The following CSMD3 variants were observed in gnomAD, a reference collection of about 807,000 sequenced individuals.
CSMD3 encodes CUB and Sushi multiple domains 3.
In CSMD3, 177 loss-of-function variants were observed where a neutral mutation model predicts 435.2. That is an observed-to-expected ratio of 0.41 (90% CI 0.36 to 0.46). The LOEUF (loss-of-function observed/expected upper bound fraction) is 0.46, where lower values mean the gene tolerates loss of function less well. CSMD3 is among the 20% of genes least tolerant of loss of function. The pLI is 0.34. For missense variants in CSMD3, 4,265 were observed against 4,504.6 expected, an observed-to-expected ratio of 0.95 and a Z score of 1.52; for synonymous variants, 1,656 against 1,520.5, an observed-to-expected ratio of 1.09 and a Z score of -2.07.
At chr8:112,403,041 C>G (rs184453292) in intron 35 of CSMD3, among the ~76,000 whole-genome samples, 128 of 152,256 alleles carry the variant, frequency 8.4e-4, no homozygotes, top group African/African-American at 2.8e-3. Flanking sequence ...AACCCCAGCT[C>G]TCTGGTAGGC....
chr8:113,410,900 TGAAAGAAAGAAAGAAAGAAAGAAAGAAA>T (rs60929996), intron 1 of CSMD3, among the ~76,000 whole-genome samples: 8 of 105,396 alleles, frequency 7.6e-5, no homozygotes, highest in Admixed American at 2.2e-4. Context: ...CAAAACCCTG[TGAAAGAAAGAAAGAAAGAAAGAAAGAAA>T]GAAAGAAAGA....
At chr8:112,616,839 A>G (rs1833696342) in intron 22 of CSMD3, among the ~76,000 whole-genome samples, 1 of 152,172 alleles carries the variant, frequency 6.6e-6, no homozygotes. Context: ...CATTGAGGAA[A>G]TAATTCTGAA....
At chr8:113,035,717 T>TAA (rs1455738971) in intron 5 of CSMD3, among the ~76,000 whole-genome samples, 1 of 151,964 alleles carries the variant, frequency 6.6e-6, no homozygotes, top group East Asian at 1.9e-4. Context: ...AACAAAATGT[T>TAA]ACTGTGCTTA....
chr8:112,565,654 G>T (rs145183596), intron 24 of CSMD3, among the ~76,000 whole-genome samples: 1,711 of 152,180 alleles, frequency 0.011, 42 homozygotes, highest in African/African-American at 0.038. Context: ...GTGCAGAGGA[G>T]ATAATAAGAA....
At chr8:112,291,984 C>G (rs138115735) in intron 55 of CSMD3, among the ~76,000 whole-genome samples, 117 of 152,018 alleles carry the variant, frequency 7.7e-4, no homozygotes, top group African/African-American at 2.8e-3. Context: ...TATAGCTGAA[C>G]TGTAAGAAAA....
intron 11 of CSMD3, among the ~76,000 whole-genome samples, chr8:112,838,937 C>T (rs1215100209): frequency 1.3e-5 from 2 of 151,522 alleles, no homozygotes; most frequent in Non-Finnish European, 3.0e-5. Context: ...ATCAGAATTC[C>T]TTATTTATTC....
intron 57 of CSMD3, among the ~76,000 whole-genome samples, chr8:112,288,322 T>G (rs1819421496): frequency 1.3e-5 from 2 of 151,740 alleles, no homozygotes; most frequent in Admixed American, 6.6e-5. Context: ...TATCTGAGAG[T>G]TAATTTACTA....
chr8:113,257,889 G>GA (rs796311390), intron 3 of CSMD3, among the ~76,000 whole-genome samples: 2 of 151,978 alleles, frequency 1.3e-5, no homozygotes, highest in Non-Finnish European at 2.9e-5. Context: ...AACACACTAA[G>GA]AAAAAAATTT....
At chr8:113,091,925 T>C (rs2090016485) in intron 5 of CSMD3, among the ~76,000 whole-genome samples, 2 of 152,026 alleles carry the variant, frequency 1.3e-5, no homozygotes, top group African/African-American at 4.8e-5. Context: ...CTATAAACTT[T>C]CCTCTTAGTA....
chr8:113,368,621 T>A (rs1685225410), intron 1 of CSMD3, among the ~76,000 whole-genome samples: 1 of 152,106 alleles, frequency 6.6e-6, no homozygotes. Context: ...TCAAAATGTT[T>A]AACCCTTTTA....
At chr8:113,069,776 G>C (rs889602834) in intron 5 of CSMD3, among the ~76,000 whole-genome samples, 23 of 152,120 alleles carry the variant, frequency 1.5e-4, no homozygotes, top group Admixed American at 2.0e-4. Flanking sequence ...AGTACGGGTA[G>C]AAGACATGCC....
At chr8:113,038,054 C>A (rs192704482) in intron 5 of CSMD3, among the ~76,000 whole-genome samples, 333 of 152,104 alleles carry the variant, frequency 2.2e-3, no homozygotes, top group African/African-American at 7.7e-3. Context: ...TGGCTCAAAC[C>A]AAAAGGAAGC....
intron 3 of CSMD3, among the ~76,000 whole-genome samples, chr8:113,216,793 AG>A (rs1236254930): frequency 6.6e-6 from 1 of 151,826 alleles, no homozygotes; most frequent in African/African-American, 2.4e-5. Context: ...TGTGGGTTTG[AG>A]GATGTAGCTG....
At chr8:112,354,479 C>CTGATAAACAACTTCAATAAAGTGTCAGGA (rs1826410057) in intron 38 of CSMD3, among the ~76,000 whole-genome samples, 1 of 152,162 alleles carries the variant, frequency 6.6e-6, no homozygotes, top group African/African-American at 2.4e-5. Flanking sequence ...GCTCATAGAA[C>CTGATAAACAACTTCAATAAAGTGTCAGGA]TGATAAACAA....
intron 31 of CSMD3, among the ~76,000 whole-genome samples, chr8:112,475,830 A>G (rs1818991748): frequency 6.6e-6 from 1 of 152,114 alleles, no homozygotes; most frequent in Non-Finnish European, 1.5e-5. Context: ...CTGGCTCTTA[A>G]CAACTGGTTG....
Position 112,352,467 on chromosome 8 carries a change from A to T in CSMD3, c.6204T>A (p.Tyr2068Ter). ...GAAAGGATACTACATCTCCAACCAT[A>T]TATCTGTCTCCAATTTTAATTCCAC... Reference protein sequence around the residue: ...PSSGIKIGDRYMVGDVVSFQC... With the variant: ...PSSGIKIGDR Residue 2068 changes from tyrosine (Y) to a stop codon, truncating the protein, a stop_gained, in exon 39 of 71, where the codon TAT (tyrosine) becomes TAA (stop). Coordinates refer to ENST00000297405, the MANE Select transcript of CSMD3 (RefSeq NM_198123.2). LOFTEE classifies it high-confidence loss of function. 1.2e-6 allele frequency: 2 copies of T among 1,613,416 alleles called. No homozygotes were observed. The highest frequency in any genetic ancestry group is 1.7e-6 in the Non-Finnish European group (2 of 1,179,634).
chr8:112,960,869 C>T (rs563926545), intron 7 of CSMD3, among the ~76,000 whole-genome samples: 1 of 151,618 alleles, frequency 6.6e-6, no homozygotes, highest in East Asian at 1.9e-4. Flanking sequence ...AATGTACTCT[C>T]CATTTAAAAA....
At chr8:112,906,550 C>G (rs2082268961) in intron 10 of CSMD3, among the ~76,000 whole-genome samples, 1 of 151,490 alleles carries the variant, frequency 6.6e-6, no homozygotes, top group South Asian at 2.1e-4. Flanking sequence ...CTGTCAACAA[C>G]TAGGGATAAG....
chr8:112,690,518 A>G (rs189164307), intron 13 of CSMD3, among the ~76,000 whole-genome samples: 1 of 151,946 alleles, frequency 6.6e-6, no homozygotes. Context: ...ACAGAAATCA[A>G]TGAATACCTC....
Sources: allele counts gnomAD v4.1 joint callset (sites outside exome capture counted in the v4.1 genomes callset), GRCh38; gene constraint gnomAD v4.1.1; transcripts MANE v1.5; gene names NCBI Gene and HGNC (gene_info 2026-07-23, HGNC 2026-07-21).